Variants in SLC35G1 observed in about 807,000 individuals in gnomAD.
SLC35G1 encodes solute carrier family 35 member G1, also known as partner of STIM1.
In SLC35G1, 10 loss-of-function variants were observed where a neutral mutation model predicts 17.1. That is an observed-to-expected ratio of 0.59 (90% confidence interval 0.36 to 0.99). The LOEUF is 0.99. Among genes scored for constraint, SLC35G1 ranks in the 50% least tolerant of loss-of-function variants. The pLI is 0.01. For synonymous variants in SLC35G1, 185 were observed against 181.1 expected, an observed-to-expected ratio of 1.02 and a Z score of -0.18; for missense variants, 433 against 468.4, an observed-to-expected ratio of 0.92 and a Z score of 0.70.
At chr10:93,906,400 T>C (rs991595497), downstream of SLC35G1, 1 of 152,248 alleles carries the variant, frequency 6.6e-6, no homozygotes, top group Non-Finnish European at 1.5e-5. Context: ...GTGTGCACAC[T>C]GGGAATGGAT....
intron 2 of SLC35G1, 55 bp downstream of exon 2, chr10:93,898,806 T>C: frequency 6.7e-7 from 1 of 1,487,174 alleles, no homozygotes; most frequent in Non-Finnish European, 9.1e-7. Context: ...TGTATATCTT[T>C]TCACCTGCCT....
At position 93,894,169 on chromosome 10, in the gene SLC35G1, T is replaced by C; in HGVS notation, c.136T>C (p.Trp46Arg). ...TGGGGCGCCAGACCGCGGTAGGTGC[T>C]GGCTCTGCCTTTCCTCGCCGTGTTG... Reference protein sequence around the residue: ...AAGAPDRGRCWLCLSSPCCSR... With the variant: ...AAGAPDRGRCRLCLSSPCCSR... Residue 46 changes from tryptophan (W) to arginine (R), a missense_variant, in exon 1 of 3, where the codon TGG becomes CGG. By Grantham distance (101) the Trp-to-Arg change is moderately radical. Transcript: ENST00000427197. The C allele has an allele frequency of 6.8e-7, 1 of 1,463,922 alleles. No homozygotes were observed. Among genetic ancestry groups the C allele is most frequent in the African/African-American group, 1.5e-5 (1 of 67,852 alleles). 90.7% of individuals were successfully genotyped at this position (1,463,922 alleles called of 1,614,324 possible).
At chr10:93,898,202 G>C (rs1302989298) in intron 1 of SLC35G1, among the ~76,000 whole-genome samples, 3 of 152,156 alleles carry the variant, frequency 2.0e-5, no homozygotes, top group Admixed American at 1.3e-4. Flanking sequence ...AGTGAGGTGT[G>C]GCGTAAGATA....
downstream of SLC35G1, chr10:93,907,777 G>C (rs1328881221): frequency 6.6e-6 from 1 of 151,140 alleles, no homozygotes; most frequent in Non-Finnish European, 1.5e-5. Flanking sequence ...TTTGAACCAG[G>C]TGGGTAAATA....
downstream of SLC35G1, among the ~76,000 whole-genome samples, chr10:93,905,403 A>T (rs1451426463): frequency 6.6e-6 from 1 of 152,110 alleles, no homozygotes; most frequent in Non-Finnish European, 1.5e-5. Flanking sequence ...TTGGTGCCTT[A>T]TATCAGATCT....
chr10:93,897,645 ACTC>A (rs1247349059), intron 1 of SLC35G1, among the ~76,000 whole-genome samples: 2 of 152,146 alleles, frequency 1.3e-5, no homozygotes, highest in Non-Finnish European at 2.9e-5. Context: ...AGCAGGTTCT[ACTC>A]CTGTGTAGGA....
At position 93,902,101 on chromosome 10, in the gene SLC35G1, C is replaced by G. The variant is rs1458215132; in HGVS notation, c.*611C>G. ...ATAAATGATTATCATACTTGTAACT[C>G]ATATTTGTGCCTTTTCATTTTAATG... On this transcript the variant is annotated 3_prime_UTR_variant, in exon 3 of 3. Coordinates refer to ENST00000427197, the MANE Select transcript of SLC35G1 (RefSeq NM_001134658.3). 1 of 152,564 alleles carries G rather than the reference C, an allele frequency of 6.6e-6. No individual in the cohort carries two copies. The highest frequency in any genetic ancestry group is 2.1e-4 in the South Asian group (1 of 4,826). 9.5% of individuals were successfully genotyped at this position (152,564 alleles called of 1,614,324 possible).
At chr10:93,898,269 T>C (rs2134066446) in intron 1 of SLC35G1, among the ~76,000 whole-genome samples, 1 of 152,350 alleles carries the variant, frequency 6.6e-6, no homozygotes, top group South Asian at 2.1e-4. Flanking sequence ...AAGATTTCTC[T>C]CACCATCTTG....
At chr10:93,898,853 T>A in intron 2 of SLC35G1, 102 bp downstream of exon 2, 2 of 1,134,124 alleles carry the variant, frequency 1.8e-6, no homozygotes, top group Non-Finnish European at 2.4e-6. Context: ...CTCATATACT[T>A]ACCAGTTCCT....
intron 1 of SLC35G1, among the ~76,000 whole-genome samples, chr10:93,897,617 CAG>C (rs2060343517): frequency 6.6e-6 from 1 of 152,222 alleles, no homozygotes; most frequent in Non-Finnish European, 1.5e-5. Context: ...CTCTGAATGA[CAG>C]AGGAGTAAGA....
chr10:93,896,346 C>T (rs1230244088), intron 1 of SLC35G1, among the ~76,000 whole-genome samples: 1 of 152,074 alleles, frequency 6.6e-6, no homozygotes, highest in African/African-American at 2.4e-5. Flanking sequence ...ACCAGGATTG[C>T]GAATCACCAG....
chr10:93,898,403 T>C (rs2060351079), intron 1 of SLC35G1, among the ~76,000 whole-genome samples, 168 bp from the exon 2 acceptor site: 1 of 152,176 alleles, frequency 6.6e-6, no homozygotes, highest in South Asian at 2.1e-4. Flanking sequence ...TCATCTATGG[T>C]TCTTCATAAT....
intron 1 of SLC35G1, among the ~76,000 whole-genome samples, chr10:93,895,123 C>T (rs2060317464): frequency 1.3e-5 from 2 of 152,180 alleles, no homozygotes; most frequent in Non-Finnish European, 2.9e-5. Context: ...AGGACAGTTA[C>T]ACGGCCTGCA....
At chr10:93,905,112 C>T (rs1360770574), downstream of SLC35G1, among the ~76,000 whole-genome samples, 7 of 152,122 alleles carry the variant, frequency 4.6e-5, no homozygotes, top group Admixed American at 4.6e-4. Flanking sequence ...TTATGCTTGG[C>T]TCTGACCTGG....
intron 1 of SLC35G1, among the ~76,000 whole-genome samples, chr10:93,897,582 C>T (rs2060343072): frequency 6.6e-6 from 1 of 152,192 alleles, no homozygotes; most frequent in Admixed American, 6.5e-5. Context: ...TTAGGGCATT[C>T]TCTGCCCACC....
At chr10:93,906,924 A>C (rs553937737), downstream of SLC35G1, among the ~76,000 whole-genome samples, 23 of 152,310 alleles carry the variant, frequency 1.5e-4, no homozygotes, top group African/African-American at 4.6e-4. Flanking sequence ...GCTATTAGAC[A>C]TGAAATTGCA....
rs1024321095 is a variant in SLC35G1, at chr10:93,894,210, G to A, written c.177G>A (p.Pro59=). 3 of 1,384,590 alleles carry A rather than the reference G, an allele frequency of 2.2e-6. No homozygotes were observed. The highest frequency in any genetic ancestry group is 3.1e-5 in the East Asian group (1 of 32,530). The allele number at this position is 1,384,590 out of a possible 1,614,324, so 85.8% of individuals were successfully genotyped here. A position where few individuals can be genotyped will look rare whatever the true frequency, so the allele number is the denominator to read the frequency against. The change falls in exon 1 of 3, where the codon CCG becomes CCA. Residue 59 remains proline (P), a splice_region_variant and synonymous_variant. Coordinates refer to ENST00000427197, the MANE Select transcript of SLC35G1 (RefSeq NM_001134658.3). The part of the protein sequence containing the change: ...LSSPCCSRTE[P]EAKKKAPCPG... ...CGCCGTGTTGCTCCCGCACCGAGCC[G>A]GGTGAGTGCGCGGTGTGGATCGGGC...
chr10:93,898,103 G>A (rs1028062001), intron 1 of SLC35G1, among the ~76,000 whole-genome samples: 2 of 152,150 alleles, frequency 1.3e-5, no homozygotes, highest in Non-Finnish European at 2.9e-5. Flanking sequence ...ACTTGTGGGA[G>A]GAAGTCAAAT....
rs561209119 is a variant in SLC35G1 at position 93,894,228 on chromosome 10, G to A, written c.178+17G>A. ...CCGAGCCGGGTGAGTGCGCGGTGTG[G>A]ATCGGGCTCTGGTCTCGCTCGGGGG... On this transcript the variant is annotated intron_variant, in intron 1 of 2. Transcript: ENST00000427197. 30 of 1,355,110 alleles carry A rather than the reference G, an allele frequency of 2.2e-5. No homozygotes were observed. In the South Asian group the frequency reaches 4.9e-4, roughly 22 times the overall value. The allele number at this position is 1,355,110 out of a possible 1,614,324, so 83.9% of individuals were successfully genotyped here.
Sources: gnomAD v4.1 joint callset for allele counts (sites outside exome capture counted in the v4.1 genomes callset) on GRCh38, gnomAD v4.1.1 for gene constraint, MANE v1.5 for transcripts, NCBI Gene and HGNC (gene_info 2026-07-23, HGNC 2026-07-21) for gene names.